Variants in MGST1 observed in about 807,000 individuals in gnomAD.
MGST1 encodes glutathione S-transferase 12.
MGST1 carries 5 observed loss-of-function variants against 8.9 expected under a neutral mutation model. The observed-to-expected ratio is 0.56, with a 90% CI of 0.29 to 1.19. MGST1 has a LOEUF of 1.19. Among genes scored for constraint, MGST1 ranks in the 50% most tolerant of loss-of-function variants. The pLI, the probability that MGST1 is intolerant of heterozygous loss-of-function variation, is 0.08. For synonymous variants in MGST1, 54 were observed against 67.8 expected, an observed-to-expected ratio of 0.80 and a Z score of 1.00; for missense variants, 182 against 187.4, an observed-to-expected ratio of 0.97 and a Z score of 0.17.
chr12:16,571,659 G>A (rs1942815918), intron 4 of MGST1, among the ~76,000 whole-genome samples: 1 of 151,866 alleles, frequency 6.6e-6, no homozygotes, highest in Non-Finnish European at 1.5e-5. Context: ...AGAACTCAAA[G>A]GTTTCACAAT....
At chr12:16,470,571 G>T (rs942311676) in intron 4 of MGST1, among the ~76,000 whole-genome samples, 4 of 152,146 alleles carry the variant, frequency 2.6e-5, no homozygotes, top group Admixed American at 1.3e-4. Context: ...CATCATAACA[G>T]GAGAGTAATC....
At chr12:16,579,473 G>A (rs1271197601) in intron 4 of MGST1, among the ~76,000 whole-genome samples, 2 of 152,216 alleles carry the variant, frequency 1.3e-5, no homozygotes, top group East Asian at 1.9e-4. Flanking sequence ...TGGTATATCA[G>A]TAGCTTAAAA....
intron 4 of MGST1, among the ~76,000 whole-genome samples, chr12:16,520,038 T>C (rs1274263459): frequency 6.6e-6 from 1 of 152,152 alleles, no homozygotes; most frequent in African/African-American, 2.4e-5. Flanking sequence ...AAGAGGTCTA[T>C]TTCACCCATT....
chr12:16,356,031 A>T (rs568904211), intron 2 of MGST1, among the ~76,000 whole-genome samples: 19 of 152,286 alleles, frequency 1.2e-4, no homozygotes, highest in Admixed American at 4.6e-4. Flanking sequence ...AGAGAGAGAG[A>T]GAGAGAAGGA....
intron 4 of MGST1, among the ~76,000 whole-genome samples, chr12:16,572,337 C>CTTTTTTT (rs1491500635): frequency 1.0e-5 from 1 of 99,686 alleles, no homozygotes; most frequent in Non-Finnish European, 2.0e-5. Flanking sequence ...GTGGTCCAAA[C>CTTTTTTT]TCTTTTTTTT....
intron 1 of MGST1, among the ~76,000 whole-genome samples, chr12:16,406,887 C>T (rs544910689): frequency 6.6e-6 from 1 of 152,258 alleles, no homozygotes; most frequent in African/African-American, 2.4e-5. Context: ...TTTCTTACAT[C>T]GCATACAAAC....
At chr12:16,516,811 A>G (rs936915026) in intron 4 of MGST1, among the ~76,000 whole-genome samples, 5 of 152,312 alleles carry the variant, frequency 3.3e-5, no homozygotes, top group Admixed American at 2.0e-4. Flanking sequence ...ACTATAGTCC[A>G]CATACAAAAT....
At chr12:16,421,748 A>G (rs1320365256) in intron 1 of MGST1, among the ~76,000 whole-genome samples, 1 of 152,134 alleles carries the variant, frequency 6.6e-6, no homozygotes, top group African/African-American at 2.4e-5. Flanking sequence ...TTTAGATAAA[A>G]TGTCATGATG....
intron 1 of MGST1, among the ~76,000 whole-genome samples, chr12:16,398,193 C>A (rs1327807278): frequency 1.3e-5 from 2 of 151,840 alleles, no homozygotes; most frequent in African/African-American, 4.8e-5. Flanking sequence ...AACATAAAAT[C>A]CGAGACCCCT....
intron 4 of MGST1, among the ~76,000 whole-genome samples, chr12:16,538,497 A>C (rs1316902781): frequency 1.3e-5 from 2 of 151,972 alleles, no homozygotes; most frequent in Non-Finnish European, 1.5e-5. Flanking sequence ...TCATTTTCAC[A>C]CTGCTGATAA....
intron 4 of MGST1, among the ~76,000 whole-genome samples, chr12:16,535,100 A>G (rs1259578252): frequency 1.3e-5 from 2 of 152,110 alleles, no homozygotes; most frequent in Admixed American, 1.3e-4. Context: ...TTCTCTTCTT[A>G]TCCAGCATTT....
chr12:16,432,719 CACACACACACACAG>C (rs1392972567), intron 1 of MGST1, among the ~76,000 whole-genome samples: 6 of 139,342 alleles, frequency 4.3e-5, no homozygotes, highest in African/African-American at 1.8e-4. Context: ...CACACACACA[CACACACACACACAG>C]AGAGAGAGAA....
chr12:16,528,901 T>G (rs532636698), intron 4 of MGST1, among the ~76,000 whole-genome samples: 2 of 152,006 alleles, frequency 1.3e-5, no homozygotes, highest in Admixed American at 1.3e-4. Flanking sequence ...ACGGGCCAAT[T>G]TGAGAACTAA....
intron 4 of MGST1, among the ~76,000 whole-genome samples, chr12:16,453,726 C>T (rs1941148125): frequency 6.6e-6 from 1 of 151,882 alleles, no homozygotes; most frequent in Admixed American, 6.6e-5. Flanking sequence ...TGCCAACAAT[C>T]TTTAATGTTG....
chr12:16,520,730 C>G lies in MGST1; in HGVS notation n.483-68798C>G, dbSNP rs1314915628. ...GCAAATCTTAAAATAAATTTGCATT[C>G]TATCTTCTGATCCAAATAGCACTGT... On this transcript the variant is annotated intron_variant and non_coding_transcript_variant, in intron 4 of 4. Transcript: ENST00000538857. Among the ~76,000 whole-genome samples the G allele has an allele frequency of 2.0e-5, 3 of 152,234 alleles. No homozygotes were observed. In the East Asian group the frequency reaches 5.8e-4, roughly 29 times the overall value.
intron 1 of MGST1, chr12:16,400,970 A>G (rs1940650087): frequency 5.6e-6 from 8 of 1,419,800 alleles, no homozygotes; most frequent in Non-Finnish European, 6.0e-6. Context: ...TTCTTCATTG[A>G]GTTGAGCCAC....
chr12:16,456,442 A>T (rs1941173191), intron 4 of MGST1, among the ~76,000 whole-genome samples: 1 of 151,924 alleles, frequency 6.6e-6, no homozygotes, highest in Admixed American at 6.6e-5. Flanking sequence ...TAAAATAGCT[A>T]TATCATTAGC....
chr12:16,409,098 T>G (rs1940719407), intron 1 of MGST1, among the ~76,000 whole-genome samples: 1 of 152,210 alleles, frequency 6.6e-6, no homozygotes, highest in Non-Finnish European at 1.5e-5. Flanking sequence ...CCTGTGTTTG[T>G]AATTTAAGCA....
chr12:16,413,689 C>T lies in MGST1; in HGVS notation n.779-23699C>T, dbSNP rs1015403348. 6.6e-6 allele frequency among the ~76,000 whole-genome samples: 1 copy of T among 151,972 alleles called. No homozygotes were observed. The highest frequency in any genetic ancestry group is 1.9e-4 in the East Asian group (1 of 5,182). Reference sequence around the variant, plus strand: ...CATTCTCAAGGAAGTGTCGGTTATCCCTTCTTTTTGGGATAAACCACTATA... The same window carrying T: ...CATTCTCAAGGAAGTGTCGGTTATCTCTTCTTTTTGGGATAAACCACTATA... On this transcript the variant is annotated intron_variant and non_coding_transcript_variant, in intron 1 of 1. Transcript: ENST00000359720. The surrounding 1 kb of genome is among the most constrained non-coding windows in gnomAD (Gnocchi z 4.0).
Sources: allele counts gnomAD v4.1 joint callset (sites outside exome capture counted in the v4.1 genomes callset), GRCh38; gene constraint gnomAD v4.1.1; non-coding constraint Gnocchi (gnomAD v3.1); transcripts MANE v1.5; gene names NCBI Gene and HGNC (gene_info 2026-07-23, HGNC 2026-07-21).